MDGA2: variants seen among roughly 807,000 people sequenced by gnomAD.
The protein encoded by MDGA2 is MAM domain containing glycosylphosphatidylinositol anchor 2.
A neutral mutation model predicts 117.8 loss-of-function variants in MDGA2; 40 were observed. That is an observed-to-expected ratio of 0.34 (90% confidence interval 0.26 to 0.44). The LOEUF (loss-of-function observed/expected upper bound fraction) is 0.44, where lower values mean the gene tolerates loss of function less well. MDGA2 is among the 20% of genes least tolerant of loss of function. The probability of loss-of-function intolerance (pLI) is 1.00; values close to 1 mark genes in which losing one functional copy is unlikely to be tolerated. For missense variants in MDGA2, 1,123 were observed against 1,250.6 expected (o/e 0.90, Z 1.54); for synonymous variants, 452 against 439.0 (o/e 1.03, Z -0.37).
chr14:47,181,725 G>T (rs1320814597), intron 3 of MDGA2, among the ~76,000 whole-genome samples: 6 of 151,858 alleles, frequency 4.0e-5, no homozygotes, highest in African/African-American at 1.5e-4. Flanking sequence ...CACATCTTTT[G>T]ATCTTTTTTC....
intron 6 of MDGA2, among the ~76,000 whole-genome samples, chr14:47,073,064 C>T (rs1463253711): frequency 1.3e-5 from 2 of 152,078 alleles, no homozygotes; most frequent in Non-Finnish European, 2.9e-5. Flanking sequence ...TTATTATTTC[C>T]AGATCTCTTC....
intron 1 of MDGA2, among the ~76,000 whole-genome samples, chr14:47,674,273 C>G (rs1490761346): frequency 6.6e-6 from 1 of 152,218 alleles, no homozygotes; most frequent in Admixed American, 6.5e-5. Context: ...GCCGCTCGTT[C>G]GCACGAGTGC....
intron 2 of MDGA2, among the ~76,000 whole-genome samples, chr14:47,273,898 G>C (rs1888225761): frequency 6.6e-6 from 1 of 152,026 alleles, no homozygotes; most frequent in Non-Finnish European, 1.5e-5. Context: ...TTTGAGTTTA[G>C]CTATAAAGAT....
chr14:47,540,540 G>GTGTGTGTGTGTGTATATACATA, intron 1 of MDGA2, among the ~76,000 whole-genome samples: 1 of 79,188 alleles, frequency 1.3e-5, no homozygotes, highest in African/African-American at 3.9e-5. Flanking sequence ...GTGTGTGTGT[G>GTGTGTGTGTGTGTATATACATA]TATATATATA....
chr14:46,902,121 T>A (rs1472094594), intron 10 of MDGA2, among the ~76,000 whole-genome samples: 1 of 152,190 alleles, frequency 6.6e-6, no homozygotes, highest in African/African-American at 2.4e-5. Context: ...ATGCAAACCA[T>A]ATGCCACTGT....
Position 47,087,030 on chromosome 14 carries a change from A to G in MDGA2, c.1195+9824T>C, listed in dbSNP as rs552010123. Among the ~76,000 whole-genome samples, 100 of 152,328 alleles carry G rather than the reference A, an allele frequency of 6.6e-4. 2 individuals are homozygous for G. The highest frequency in any genetic ancestry group is 2.3e-3 in the African/African-American group (95 of 41,582). On this transcript the variant is annotated intron_variant, in intron 6 of 16. Transcript: ENST00000399232. The stretch of plus-strand genomic sequence containing the variant: ...AAATTTTTAAAATACCTATTAAAGC[A>G]TCACTTGCATTTATTTTCCTGGTTT...
intron 2 of MDGA2, among the ~76,000 whole-genome samples, chr14:47,243,338 G>A (rs1196941096): frequency 9.2e-5 from 14 of 151,728 alleles, no homozygotes; most frequent in Non-Finnish European, 1.9e-4. Context: ...CCAATCAGCA[G>A]GATGTGGGTG....
intron 9 of MDGA2, among the ~76,000 whole-genome samples, chr14:46,934,012 T>A (rs1212503134): frequency 6.6e-6 from 1 of 151,430 alleles, no homozygotes; most frequent in Non-Finnish European, 1.5e-5. Flanking sequence ...AAAATAAGTT[T>A]AGTTAAGAAT....
At chr14:47,155,885 C>CTTTTTTTTTTTTTTTTTTTTTTT (rs1883353082) in intron 3 of MDGA2, among the ~76,000 whole-genome samples, 4 of 80,446 alleles carry the variant, frequency 5.0e-5, no homozygotes, top group Admixed American at 1.7e-4. Flanking sequence ...TCTTCTTCTT[C>CTTTTTTTTTTTTTTTTTTTTTTT]TTCTTTTTTT....
At chr14:47,080,863 G>A (rs1890685170) in intron 6 of MDGA2, among the ~76,000 whole-genome samples, 2 of 152,078 alleles carry the variant, frequency 1.3e-5, no homozygotes, top group South Asian at 4.1e-4. Context: ...CTTAACTCAA[G>A]CTTTTGCAAG....
chr14:47,079,284 A>G (rs1890612684), intron 6 of MDGA2, among the ~76,000 whole-genome samples: 1 of 152,210 alleles, frequency 6.6e-6, no homozygotes, highest in African/African-American at 2.4e-5. Flanking sequence ...TCACTGCTCA[A>G]AACAATGGAG....
intron 1 of MDGA2, among the ~76,000 whole-genome samples, chr14:47,515,749 C>A (rs1438944740): frequency 6.6e-6 from 1 of 152,084 alleles, no homozygotes; most frequent in East Asian, 1.9e-4. Context: ...CTTTGAAGGA[C>A]AGTATATGCA....
chr14:47,341,054 A>AT (rs1890606724), intron 1 of MDGA2, among the ~76,000 whole-genome samples: 2 of 152,158 alleles, frequency 1.3e-5, no homozygotes, highest in South Asian at 4.1e-4. Context: ...TTATCTTCAC[A>AT]TTTTAACAGC....
At chr14:47,448,118 G>A (rs1893163599) in intron 1 of MDGA2, among the ~76,000 whole-genome samples, 1 of 96,372 alleles carries the variant, frequency 1.0e-5, no homozygotes, top group Admixed American at 1.1e-4. Flanking sequence ...TTTATTTGAG[G>A]CCTACTTTAT....
At chr14:47,346,332 C>T (rs1890762085) in intron 1 of MDGA2, among the ~76,000 whole-genome samples, 1 of 152,064 alleles carries the variant, frequency 6.6e-6, no homozygotes, top group African/African-American at 2.4e-5. Context: ...AACTATTATT[C>T]TTGTTTTATT....
At position 47,674,654 on chromosome 14, in the gene MDGA2, G is replaced by T; in HGVS notation, c.143C>A (p.Ala48Asp). ...CAACGGGACCTTCAGGAGGCCGGCG[G>T]CCAGCCAGGCGCGCTCCACTCGCGC... ...ARARVERAWL[A>D]AGLLKVPLRT... is the part of the protein sequence containing the mutation. Residue 48 changes from alanine to aspartate, a missense_variant, in exon 1 of 17, where the codon GCC becomes GAC. Around this residue, in one of 2 missense-constraint regions of MDGA2, gnomAD observed 233 missense variants for 200.3 expected, o/e 1.16. Transcript: ENST00000399232. The T allele has an allele frequency of 1.4e-6, 2 of 1,466,292 alleles. No individual in the cohort carries two copies. The highest frequency in any genetic ancestry group is 1.9e-6 in the Non-Finnish European group (2 of 1,070,052). The allele number at this position is 1,466,292 out of a possible 1,614,324, so 90.8% of individuals were successfully genotyped here.
In MDGA2 at chr14:46,928,421, T is replaced by C. The variant is rs532577692; in HGVS notation, c.2090-8261A>G. Among the ~76,000 whole-genome samples, 12 of 152,292 alleles carry C rather than the reference T, an allele frequency of 7.9e-5. No homozygotes were observed. The South Asian group carries it at 1.9e-3, about 24-fold the overall frequency. On this transcript the variant is annotated intron_variant, in intron 9 of 16. Transcript: ENST00000399232. Reference sequence around the variant, plus strand: ...CCCAGTCATCTTTTTCTGATTCCTCTCTTGCATTTATAGATTCATCTTTTA... The same window carrying C: ...CCCAGTCATCTTTTTCTGATTCCTCCCTTGCATTTATAGATTCATCTTTTA...
intron 1 of MDGA2, among the ~76,000 whole-genome samples, chr14:47,359,441 C>A (rs1397759442): frequency 7.9e-5 from 12 of 151,836 alleles, no homozygotes; most frequent in Non-Finnish European, 7.4e-5. Flanking sequence ...GCCATAAAAA[C>A]CAACACACAG....
chr14:47,418,412 G>T (rs187919818), intron 1 of MDGA2, among the ~76,000 whole-genome samples: 1 of 152,254 alleles, frequency 6.6e-6, no homozygotes, highest in East Asian at 1.9e-4. Context: ...AGTTCTGGAG[G>T]CTGTGAAGTC....
Sources: allele counts gnomAD v4.1 joint callset (sites outside exome capture counted in the v4.1 genomes callset), GRCh38; gene constraint gnomAD v4.1.1; regional missense constraint gnomAD v4.1.1; transcripts MANE v1.5; gene names NCBI Gene and HGNC (gene_info 2026-07-23, HGNC 2026-07-21).